C12orf42: variants seen among roughly 807,000 people sequenced by gnomAD.
C12orf42 encodes the protein uncharacterized protein C12orf42.
C12orf42 carries 25 observed loss-of-function variants against 21.6 expected under a neutral mutation model. The ratio of observed to expected loss-of-function variants is 1.16; its 90% CI spans 0.84 to 1.62. The LOEUF is 1.62. C12orf42 is among the 40% of genes most tolerant of loss of function. The pLI, the probability that C12orf42 is intolerant of heterozygous loss-of-function variation, is 0.00. For missense variants in C12orf42, 483 were observed against 459.3 expected (o/e 1.05, Z -0.47); for synonymous variants, 174 against 175.0 (o/e 0.99, Z 0.05).
At chr12:103,326,523 C>T (rs1280600470) in intron 4 of C12orf42, among the ~76,000 whole-genome samples, 1 of 152,206 alleles carries the variant, frequency 6.6e-6, no homozygotes, top group Non-Finnish European at 1.5e-5. Flanking sequence ...CTTCCTACCG[C>T]TCTACTTACA....
At chr12:103,129,151 G>C in the C12orf42 span, among the ~76,000 whole-genome samples, 1 of 152,150 alleles carries the variant, frequency 6.6e-6, no homozygotes, top group Admixed American at 6.5e-5. Context: ...CCTGGAAGCT[G>C]TGCTTGAAGA....
At chr12:103,416,177 G>A (rs2049312323) in intron 2 of C12orf42, among the ~76,000 whole-genome samples, 1 of 151,554 alleles carries the variant, frequency 6.6e-6, no homozygotes, top group Non-Finnish European at 1.5e-5. Context: ...TTCTGTAGGG[G>A]TATGCACATT....
the C12orf42 span, chr12:103,167,904 GTGTGTGTGTTTGTGTC>G: frequency 3.0e-6 from 1 of 330,490 alleles, no homozygotes; most frequent in Admixed American, 3.5e-5. Flanking sequence ...GTGTGTGTGT[GTGTGTGTGTTTGTGTC>G]TGTGTGTGTG....
chr12:103,497,412 G>A (rs2138267349), upstream of C12orf42, among the ~76,000 whole-genome samples: 1 of 152,298 alleles, frequency 6.6e-6, no homozygotes, highest in Middle Eastern at 3.4e-3. Flanking sequence ...GATGAGCTGA[G>A]TCCAACCCTC....
At chr12:103,324,480 C>T (rs1566081966) in intron 4 of C12orf42, among the ~76,000 whole-genome samples, 1 of 152,102 alleles carries the variant, frequency 6.6e-6, no homozygotes, top group African/African-American at 2.4e-5. Context: ...TGAACTGAGT[C>T]CTGAACCCCA....
chr12:103,494,232 A>G (rs1955365124), intron 1 of C12orf42, among the ~76,000 whole-genome samples: 1 of 152,218 alleles, frequency 6.6e-6, no homozygotes, highest in South Asian at 2.1e-4. Flanking sequence ...TGTGGGCATA[A>G]AGCCCATCAG....
At chr12:103,091,386 TA>T in the C12orf42 span, among the ~76,000 whole-genome samples, 31,784 of 141,578 alleles carry the variant, frequency 0.22, 3,537 homozygotes, top group African/African-American at 0.28. Context: ...TTGCCTCAAA[TA>T]AAAAAAAAAA....
At chr12:103,166,970 A>G in the C12orf42 span, among the ~76,000 whole-genome samples, 3 of 152,206 alleles carry the variant, frequency 2.0e-5, no homozygotes, top group South Asian at 6.2e-4. Flanking sequence ...TCTACCTGAC[A>G]ACATTTTGAT....
At chr12:103,088,562 T>G in the C12orf42 span, among the ~76,000 whole-genome samples, 1 of 152,236 alleles carries the variant, frequency 6.6e-6, no homozygotes, top group African/African-American at 2.4e-5. Flanking sequence ...CCATGGAATT[T>G]GGGGTAGCCA....
the C12orf42 span, among the ~76,000 whole-genome samples, chr12:103,105,341 A>G: frequency 1.3e-5 from 2 of 152,192 alleles, no homozygotes; most frequent in South Asian, 4.1e-4. Flanking sequence ...TTTAAAAGAT[A>G]ATATAACATG....
intron 10 of C12orf42, among the ~76,000 whole-genome samples, chr12:103,254,823 C>A (rs563797963): frequency 6.6e-6 from 1 of 152,044 alleles, no homozygotes; most frequent in Admixed American, 6.6e-5. Flanking sequence ...GGCTGAATAC[C>A]TAGGTGATGG....
chr12:103,306,002 C>A lies in C12orf42; in HGVS notation c.603G>T (p.Gln201His). The change falls in exon 5 of 6, where the codon CAG becomes CAT. Residue 201 changes from glutamine to histidine, a missense_variant. Gln to His is a conservative substitution (Grantham distance 24). Coordinates refer to ENST00000548883, the MANE Select transcript of C12orf42 (RefSeq NM_198521.5). ...AATTTTTCTTGGGACTGCTCAAGGGCTGGCCCTTAGGTCTTGTGTGTCTAC... is the reference window on the plus strand; with the variant it reads ...AATTTTTCTTGGGACTGCTCAAGGGATGGCCCTTAGGTCTTGTGTGTCTAC... ...HISRHTRPKGQPLSSPKKNSG... is the reference protein window; with the variant it reads ...HISRHTRPKGHPLSSPKKNSG... The A allele has an allele frequency of 6.2e-7, 1 of 1,610,418 alleles. No homozygotes were observed. The highest frequency in any genetic ancestry group is 8.5e-7 in the Non-Finnish European group (1 of 1,176,892).
chr12:103,478,580 A>T, intron 1 of C12orf42, 133 bp from the exon 2 acceptor site: 1 of 434,394 alleles, frequency 2.3e-6, no homozygotes, highest in Non-Finnish European at 4.0e-6. Context: ...GTGACTTTCA[A>T]TAATTTTTTT....
the C12orf42 span, among the ~76,000 whole-genome samples, chr12:103,187,686 A>T: frequency 6.6e-6 from 1 of 152,170 alleles, no homozygotes; most frequent in Non-Finnish European, 1.5e-5. Context: ...GGAAGGTAAT[A>T]ATGTCCTAAG....
At chr12:103,539,306 T>G in the C12orf42 span, among the ~76,000 whole-genome samples, 94 of 152,210 alleles carry the variant, frequency 6.2e-4, 1 homozygote, top group Middle Eastern at 6.8e-3. Context: ...TGTGTGTGTG[T>G]GGGTATGTGT....
At chr12:103,371,012 T>C (rs552147894) in intron 3 of C12orf42, among the ~76,000 whole-genome samples, 1 of 152,282 alleles carries the variant, frequency 6.6e-6, no homozygotes, top group Admixed American at 6.5e-5. Context: ...TTCAGATGAT[T>C]TGGATATTGT....
At position 103,243,654 on chromosome 12, in the gene C12orf42, C is replaced by G. The variant is rs185313044; in HGVS notation, c.*1367-5752G>C. Among the ~76,000 whole-genome samples the G allele has an allele frequency of 2.6e-3, 389 of 152,142 alleles. 2 individuals carry two copies. The highest frequency in any genetic ancestry group is 3.9e-3 in the Admixed American group (59 of 15,280). On this transcript the variant is annotated intron_variant and NMD_transcript_variant, in intron 10 of 10. Transcript: ENST00000547347. ...AGTAGAAAATGCTTCTCTTTGTTAG[C>G]AAAACTCTATCCACAATAAGCTTAA...
intron 2 of C12orf42, among the ~76,000 whole-genome samples, chr12:103,428,668 A>G (rs187290144): frequency 6.6e-6 from 1 of 152,192 alleles, no homozygotes; most frequent in African/African-American, 2.4e-5. Flanking sequence ...ACAACAAAAA[A>G]AGAAAATTTC....
At chr12:103,408,405 T>C (rs2048582735) in intron 2 of C12orf42, among the ~76,000 whole-genome samples, 1 of 152,132 alleles carries the variant, frequency 6.6e-6, no homozygotes, top group Admixed American at 6.6e-5. Context: ...GGTGAGGAAG[T>C]AGGCTTAACA....
Sources: gnomAD v4.1 joint callset for allele counts (sites outside exome capture counted in the v4.1 genomes callset) on GRCh38, gnomAD v4.1.1 for gene constraint, MANE v1.5 for transcripts, NCBI Gene and HGNC (gene_info 2026-07-23, HGNC 2026-07-21) for gene names.